The following MLIP variants were observed in gnomAD, a reference collection of about 807,000 sequenced individuals.
MLIP encodes muscular LMNA interacting protein, also known as muscular LMNA-interacting protein.
MLIP carries 79 observed loss-of-function variants against 84.8 expected under a neutral mutation model. The ratio of observed to expected loss-of-function variants is 0.93; its 90% CI spans 0.78 to 1.12. The LOEUF is 1.12. MLIP is among the 50% of genes most tolerant of loss of function. The pLI, the probability that MLIP is intolerant of heterozygous loss-of-function variation, is 0.00. For missense variants in MLIP, 1,257 were observed against 1,160.6 expected (o/e 1.08, Z -1.21); for synonymous variants, 504 against 463.0 (o/e 1.09, Z -1.14).
intron 5 of MLIP, among the ~76,000 whole-genome samples, chr6:54,155,418 G>A (rs1029376865): frequency 6.6e-6 from 1 of 152,028 alleles, no homozygotes; most frequent in African/African-American, 2.4e-5. Flanking sequence ...ATAATTTTGG[G>A]GGATTGATTT....
intron 1 of MLIP, chr6:54,028,930 T>G (rs769410016): frequency 6.6e-6 from 1 of 152,226 alleles, no homozygotes; most frequent in Admixed American, 6.5e-5. Context: ...CTCTATCTCC[T>G]TTTCATCTTC....
At chr6:54,238,047 T>C (rs1781483872) in intron 12 of MLIP, among the ~76,000 whole-genome samples, 1 of 152,176 alleles carries the variant, frequency 6.6e-6, no homozygotes, top group South Asian at 2.1e-4. Flanking sequence ...TTACAATGCA[T>C]TTAAATTATT....
chr6:54,153,179 G>C lies in MLIP; in HGVS notation c.2289+4052G>C, dbSNP rs142529005. On this transcript the variant is annotated intron_variant, in intron 5 of 13. Coordinates refer to ENST00000502396, the MANE Select transcript of MLIP (RefSeq NM_001281747.2). ...AATTACAGGTTTAATTCTTTAAATG[G>C]AAAGTTATAGGAAAAACATTTTTTT... is the stretch of plus-strand genomic sequence containing the variant. Among the ~76,000 whole-genome samples the C allele has an allele frequency of 4.0e-5, 6 of 150,424 alleles. No individual in the cohort carries two copies. The East Asian group carries it at 1.0e-3, about 26-fold the overall frequency.
At chr6:54,192,524 A>G (rs1206552943) in intron 10 of MLIP, among the ~76,000 whole-genome samples, 2 of 151,924 alleles carry the variant, frequency 1.3e-5, no homozygotes, top group East Asian at 1.9e-4. Flanking sequence ...TTTCATTTTT[A>G]TGAATGAATT....
intron 5 of MLIP, among the ~76,000 whole-genome samples, chr6:54,157,498 C>A (rs1305182525): frequency 1.3e-5 from 2 of 152,094 alleles, no homozygotes; most frequent in Admixed American, 6.6e-5. Flanking sequence ...ACCAGGGGTG[C>A]ATTACTCTCT....
intron 11 of MLIP, among the ~76,000 whole-genome samples, chr6:54,208,848 C>A (rs2150734657): frequency 6.6e-6 from 1 of 152,208 alleles, no homozygotes; most frequent in Non-Finnish European, 1.5e-5. Flanking sequence ...AATACACTGC[C>A]TCCCTCCCTC....
In MLIP at chr6:54,039,288, T is replaced by C. The variant is rs921535642; in HGVS notation, c.63+20197T>C. ...GTGATGACATTTTATGAACTTTAAA[T>C]CATTCTTCTCTGAAAATCACTCTGG... is the stretch of plus-strand genomic sequence containing the variant. On this transcript the variant is annotated intron_variant, in intron 1 of 12. Coordinates refer to the MLIP transcript ENST00000274897. Among the ~76,000 whole-genome samples, 5 of 151,978 alleles carry C rather than the reference T, an allele frequency of 3.3e-5. No homozygotes were observed. In the East Asian group the frequency reaches 9.6e-4, roughly 29 times the overall value.
chr6:54,265,535 C>T lies in MLIP; in HGVS notation c.2977-415C>T, dbSNP rs117202278. 3.0e-4 allele frequency among the ~76,000 whole-genome samples: 45 copies of T among 152,208 alleles called. No individual in the cohort carries two copies. The East Asian group carries it at 8.3e-3, about 28-fold the overall frequency. On this transcript the variant is annotated intron_variant, in intron 13 of 13. Transcript: ENST00000502396. ...CTTAATTCAATCCCTATTCAGTTTA[C>T]CTCCTTGTTAGATGATGCATTTTAG...
At chr6:54,236,892 A>G (rs1189648001) in intron 12 of MLIP, among the ~76,000 whole-genome samples, 1 of 152,134 alleles carries the variant, frequency 6.6e-6, no homozygotes, top group Non-Finnish European at 1.5e-5. Flanking sequence ...AAACAACCAT[A>G]AAACAGGTTA....
At chr6:54,239,333 C>T (rs922334183) in intron 12 of MLIP, among the ~76,000 whole-genome samples, 18 of 144,976 alleles carry the variant, frequency 1.2e-4, no homozygotes, top group Admixed American at 3.4e-4. Flanking sequence ...ATCATGTGTT[C>T]TGATCAGTCT....
chr6:54,145,570 A>G (rs1192677889), intron 4 of MLIP, among the ~76,000 whole-genome samples: 1 of 151,976 alleles, frequency 6.6e-6, no homozygotes, highest in East Asian at 1.9e-4. Context: ...CTAAGAATTC[A>G]AGACAAGCCT....
chr6:54,170,351 G>A (rs576523151), intron 9 of MLIP, among the ~76,000 whole-genome samples: 2 of 151,682 alleles, frequency 1.3e-5, no homozygotes, highest in East Asian at 3.9e-4. Flanking sequence ...TGTATTTTGT[G>A]TCATATCATC....
chr6:54,142,522 A>G (rs549218636), intron 4 of MLIP, among the ~76,000 whole-genome samples: 2 of 152,200 alleles, frequency 1.3e-5, no homozygotes, highest in African/African-American at 2.4e-5. Flanking sequence ...ACAGGTACAA[A>G]GAACACATTC....
At chr6:54,258,558 G>A (rs919745881) in intron 13 of MLIP, among the ~76,000 whole-genome samples, 1 of 151,946 alleles carries the variant, frequency 6.6e-6, no homozygotes, top group Non-Finnish European at 1.5e-5. Context: ...TAGCCAAATT[G>A]CTGTCCTGGA....
At chr6:54,233,742 T>C (rs1349212696) in intron 12 of MLIP, among the ~76,000 whole-genome samples, 3 of 151,950 alleles carry the variant, frequency 2.0e-5, no homozygotes, top group African/African-American at 7.2e-5. Context: ...AAATGGTATT[T>C]CTGGTTCTAG....
intron 1 of MLIP, among the ~76,000 whole-genome samples, chr6:54,119,478 T>G (rs1770246250): frequency 6.6e-6 from 1 of 152,180 alleles, no homozygotes; most frequent in South Asian, 2.1e-4. Flanking sequence ...TGTAGAATTT[T>G]TAAAAAGTTG....
intron 12 of MLIP, among the ~76,000 whole-genome samples, chr6:54,238,325 C>T (rs1370059743): frequency 6.6e-6 from 1 of 152,174 alleles, no homozygotes; most frequent in Non-Finnish European, 1.5e-5. Flanking sequence ...CTCATTTCTT[C>T]TATCTTCTAC....
At chr6:54,118,429 A>C (rs1460891895) in intron 1 of MLIP, among the ~76,000 whole-genome samples, 1 of 152,228 alleles carries the variant, frequency 6.6e-6, no homozygotes, top group Admixed American at 6.5e-5. Context: ...CAATGGGGAA[A>C]AGTCAGTCTC....
At chr6:54,251,631 A>G (rs1393977662) in intron 12 of MLIP, among the ~76,000 whole-genome samples, 1 of 109,592 alleles carries the variant, frequency 9.1e-6, no homozygotes, top group Non-Finnish European at 1.6e-5. Flanking sequence ...TAATACAAAT[A>G]TATATATTAT....
Sources: allele counts gnomAD v4.1 joint callset (sites outside exome capture counted in the v4.1 genomes callset), GRCh38; gene constraint gnomAD v4.1.1; transcripts MANE v1.5; gene names NCBI Gene and HGNC (gene_info 2026-07-23, HGNC 2026-07-21).